Variants in ARHGEF10 observed in about 807,000 individuals in gnomAD.
ARHGEF10 encodes the protein Rho guanine nucleotide exchange factor 10, also known as Rho guanine nucleotide exchange factor (GEF) 10.
Under a neutral mutation model 147.4 loss-of-function variants are expected in ARHGEF10, and 140 were observed. That is an observed-to-expected ratio of 0.95 (90% CI 0.83 to 1.09). The LOEUF is 1.09. Among genes scored for constraint, ARHGEF10 ranks in the 50% least tolerant of loss-of-function variants. ARHGEF10 has a pLI of 0.00. For missense variants in ARHGEF10, 2,222 were observed against 1,752.7 expected (o/e 1.27, Z -4.78); for synonymous variants, 902 against 695.8 (o/e 1.30, Z -4.67).
intron 28 of ARHGEF10, among the ~76,000 whole-genome samples, chr8:1,953,765 C>T (rs552058020): frequency 1.2e-4 from 18 of 152,126 alleles, no homozygotes; most frequent in African/African-American, 2.9e-4. Context: ...TGCAGTGACG[C>T]GGAAAACTCC....
chr8:1,932,072 A>G (rs1260854434), intron 25 of ARHGEF10, among the ~76,000 whole-genome samples: 1 of 152,208 alleles, frequency 6.6e-6, no homozygotes, highest in African/African-American at 2.4e-5. Context: ...CGGTGCATAG[A>G]GAGAGCTCTG....
chr8:1,856,183 A>G (rs1180663837), intron 2 of ARHGEF10, among the ~76,000 whole-genome samples: 1 of 152,242 alleles, frequency 6.6e-6, no homozygotes, highest in Non-Finnish European at 1.5e-5. Flanking sequence ...AAGGACAGCA[A>G]CACACACTCC....
At chr8:1,911,504 A>G (rs1241593530) in intron 18 of ARHGEF10, among the ~76,000 whole-genome samples, 1 of 152,186 alleles carries the variant, frequency 6.6e-6, no homozygotes, top group Non-Finnish European at 1.5e-5. Context: ...TGAAGATAGA[A>G]CTCAAGTCAG....
At position 1,876,337 on chromosome 8, in the gene ARHGEF10, C is replaced by T; in HGVS notation, c.680-234C>T. ...TCGGGGTACAGATGGGGCAGGGGCA[C>T]TTGTGAGAAACACCTGAAGTGCTTT... On this transcript the variant is annotated intron_variant, in intron 7 of 28. Coordinates refer to ENST00000349830, the MANE Select transcript of ARHGEF10 (RefSeq NM_014629.4). The T allele has an allele frequency of 3.4e-6, 2 of 584,040 alleles. 1 individual carries two copies. Among genetic ancestry groups the T allele is most frequent in the South Asian group, 4.0e-5 (2 of 49,990 alleles). The allele number at this position is 584,040 out of a possible 1,614,324, so 36.2% of individuals were successfully genotyped here.
At chr8:1,899,292 C>T (rs1435872210) in intron 15 of ARHGEF10, among the ~76,000 whole-genome samples, 1 of 152,212 alleles carries the variant, frequency 6.6e-6, no homozygotes, top group Non-Finnish European at 1.5e-5. Flanking sequence ...GCCATGCCTC[C>T]AGGGAGGATA....
intron 1 of ARHGEF10, among the ~76,000 whole-genome samples, chr8:1,837,974 T>A (rs1803690708): frequency 6.6e-6 from 1 of 152,206 alleles, no homozygotes; most frequent in Non-Finnish European, 1.5e-5. Flanking sequence ...AGTTTCCTCC[T>A]CTGTCTCCCC....
intron 17 of ARHGEF10, 112 bp downstream of exon 17, chr8:1,905,828 T>G: frequency 1.4e-6 from 2 of 1,391,756 alleles, no homozygotes; most frequent in Non-Finnish European, 2.0e-6. Flanking sequence ...TGGTTTTTTG[T>G]GCCAAAGCTC....
rs527907200 is a variant in ARHGEF10 at position 1,835,557 on chromosome 8, C to T, written c.-47-7796C>T. Reference sequence around the variant, plus strand: ...ACAGCTCATGCTAGCACGCTCATGCCGTCCCGAAGCACTGACTGTGGAATG... The same window carrying T: ...ACAGCTCATGCTAGCACGCTCATGCTGTCCCGAAGCACTGACTGTGGAATG... On this transcript the variant is annotated intron_variant, in intron 1 of 28. Coordinates refer to ENST00000349830, the MANE Select transcript of ARHGEF10 (RefSeq NM_014629.4). Among the ~76,000 whole-genome samples, 45 of 152,298 alleles carry T rather than the reference C, an allele frequency of 3.0e-4. No homozygotes were observed. In the South Asian group the frequency reaches 7.9e-3, roughly 27 times the overall value.
intron 2 of ARHGEF10, among the ~76,000 whole-genome samples, chr8:1,847,686 A>C (rs1209441467): frequency 4.6e-5 from 7 of 152,202 alleles, no homozygotes; most frequent in Admixed American, 3.3e-4. Flanking sequence ...CCCAGAGCCA[A>C]GAAGTGGTTA....
At chr8:1,850,054 GGC>G (rs1298676466) in intron 2 of ARHGEF10, among the ~76,000 whole-genome samples, 7 of 107,922 alleles carry the variant, frequency 6.5e-5, no homozygotes, top group African/African-American at 2.5e-4. Context: ...TGCTGAGGAG[GGC>G]GTGGGCCGGC....
chr8:1,945,683 T>A (rs1309385689), intron 27 of ARHGEF10, 28 bp downstream of exon 27: 3 of 1,613,638 alleles, frequency 1.9e-6, no homozygotes, highest in Non-Finnish European at 2.5e-6. Context: ...GGCCCAGGGA[T>A]GGGACAGCAA....
At chr8:1,830,095 C>T (rs936512611) in intron 1 of ARHGEF10, among the ~76,000 whole-genome samples, 1 of 152,218 alleles carries the variant, frequency 6.6e-6, no homozygotes, top group East Asian at 1.9e-4. Context: ...GCCACTTCCC[C>T]GCTCCGTTCT....
At chr8:1,897,885 G>A (rs767407735) in intron 14 of ARHGEF10, among the ~76,000 whole-genome samples, 1 of 152,072 alleles carries the variant, frequency 6.6e-6, no homozygotes, top group Non-Finnish European at 1.5e-5. Flanking sequence ...CCAAAGAGTC[G>A]GGTGCCCTGT....
At chr8:1,910,620 A>G (rs6558564) in intron 18 of ARHGEF10, among the ~76,000 whole-genome samples, 93,143 of 151,982 alleles carry the variant, frequency 0.61, 29,559 homozygotes, top group African/African-American at 0.78. Context: ...GGAGGAGCCG[A>G]GGGAGAGGGG....
At chr8:1,920,283 A>G (rs1812182490) in intron 18 of ARHGEF10, among the ~76,000 whole-genome samples, 2 of 152,234 alleles carry the variant, frequency 1.3e-5, no homozygotes, top group Admixed American at 1.3e-4. Context: ...GAAGTCAACT[A>G]ATTAATAAAG....
chr8:1,835,856 T>C (rs1203358304), intron 1 of ARHGEF10, among the ~76,000 whole-genome samples: 1 of 152,142 alleles, frequency 6.6e-6, no homozygotes, highest in African/African-American at 2.4e-5. Flanking sequence ...CTGGGCTCCC[T>C]CTCTGACTGA....
At chr8:1,869,116 G>T (rs902627984) in intron 6 of ARHGEF10, 78 bp from the exon 7 acceptor site, 2 of 1,273,996 alleles carry the variant, frequency 1.6e-6, no homozygotes, top group African/African-American at 1.5e-5. Flanking sequence ...CATCATCGGC[G>T]ACTGTGGCCC....
rs573296929 is a variant in ARHGEF10 at position 1,889,960 on chromosome 8, G to C, written c.1183-3609G>C. On this transcript the variant is annotated intron_variant, in intron 11 of 28. Coordinates refer to ENST00000349830, the MANE Select transcript of ARHGEF10 (RefSeq NM_014629.4). ...GGTTGTGAGGAGACACTGAGTGGGG[G>C]AGGGGTATGTGAGGAGACACTGAGT... 1.7e-4 allele frequency among the ~76,000 whole-genome samples: 25 copies of C among 145,056 alleles called. No homozygotes were observed. In the South Asian group the frequency reaches 4.2e-3, roughly 24 times the overall value.
chr8:1,922,713 T>C (rs898745477), intron 18 of ARHGEF10, among the ~76,000 whole-genome samples: 1 of 152,198 alleles, frequency 6.6e-6, no homozygotes, highest in African/African-American at 2.4e-5. Flanking sequence ...TCAGATGTTA[T>C]CCTCTGAGGA....
Sources: gnomAD v4.1 joint callset for allele counts (sites outside exome capture counted in the v4.1 genomes callset) on GRCh38, gnomAD v4.1.1 for gene constraint, MANE v1.5 for transcripts, NCBI Gene and HGNC (gene_info 2026-07-23, HGNC 2026-07-21) for gene names.